MTRR: variants seen among roughly 807,000 people sequenced by gnomAD.
MTRR encodes the protein methionine synthase reductase.
In MTRR, 63 loss-of-function variants were observed where a neutral mutation model predicts 79.2. That is an observed-to-expected ratio of 0.80 (90% CI 0.65 to 0.98). The LOEUF is 0.98. Among genes scored for constraint, MTRR ranks in the 50% least tolerant of loss-of-function variants. The pLI is 0.00. For synonymous variants in MTRR, 355 were observed against 313.3 expected (o/e 1.13, Z -1.41); for missense variants, 895 against 839.6 (o/e 1.07, Z -0.82).
At chr5:7,893,376 G>A (rs760084632) in intron 11 of MTRR, 37 of 170,864 alleles carry the variant, frequency 2.2e-4, no homozygotes, top group Middle Eastern at 2.6e-3. Context: ...TAGGGTCCCC[G>A]CATCCCTGTT....
chr5:7,880,045 T>C (rs1735324596), intron 5 of MTRR, among the ~76,000 whole-genome samples: 2 of 152,266 alleles, frequency 1.3e-5, no homozygotes, highest in African/African-American at 4.8e-5. Flanking sequence ...GGTGCACTAG[T>C]GTGGCCTTCA....
intron 8 of MTRR, among the ~76,000 whole-genome samples, chr5:7,887,435 A>G (rs2126757513): frequency 6.6e-6 from 1 of 151,680 alleles, no homozygotes. Flanking sequence ...TTAGGCCGCC[A>G]TCTCCCCAGT....
intron 11 of MTRR, among the ~76,000 whole-genome samples, chr5:7,895,270 C>T (rs1738305672): frequency 6.6e-6 from 1 of 152,150 alleles, no homozygotes; most frequent in East Asian, 1.9e-4. Flanking sequence ...GCAAATACAG[C>T]ACCATTATCT....
chr5:7,876,987 C>A (rs569857349), intron 4 of MTRR, among the ~76,000 whole-genome samples: 7 of 152,282 alleles, frequency 4.6e-5, no homozygotes, highest in African/African-American at 1.4e-4. Context: ...CACAAAGGCT[C>A]CTCAGGGCAG....
Position 7,892,750 on chromosome 5 carries a change from A to T in MTRR, c.1394A>T (p.Lys465Met). The part of the protein sequence containing the change: ...CASSSLFHPG[K>M]LHFVFNIVEF... ...AGCTCAAGTTTATTTCACCCAGGAA[A>T]GCTCCATTTTGTCTTCAACATTGTG... is the stretch of plus-strand genomic sequence containing the variant. The change falls in exon 11 of 15, where the codon AAG becomes ATG. Residue 465 changes from lysine to methionine, a missense_variant. Coordinates refer to ENST00000440940, the MANE Select transcript of MTRR (RefSeq NM_002454.3). The T allele has an allele frequency of 6.2e-7, 1 of 1,614,226 alleles. No individual in the cohort carries two copies. Among genetic ancestry groups the T allele is most frequent in the Non-Finnish European group, 8.5e-7 (1 of 1,180,048 alleles).
intron 1 of MTRR, among the ~76,000 whole-genome samples, chr5:7,852,443 TTC>T (rs1366194764): frequency 1.3e-5 from 2 of 152,150 alleles, no homozygotes; most frequent in Non-Finnish European, 2.9e-5. Context: ...CCCATGTGCC[TTC>T]TTTGTCCCAC....
chr5:7,851,283 C>G, exon 1 of MTRR: 1 of 371,194 alleles, frequency 2.7e-6, no homozygotes, highest in East Asian at 3.9e-5. Context: ...GGGAGGAGCC[C>G]GACTGGGAGA....
intron 10 of MTRR, among the ~76,000 whole-genome samples, chr5:7,892,034 T>A (rs559463752): frequency 6.6e-6 from 1 of 152,128 alleles, no homozygotes; most frequent in East Asian, 1.9e-4. Flanking sequence ...AGTGATACCC[T>A]GTCTCAAAAA....
intron 6 of MTRR, among the ~76,000 whole-genome samples, chr5:7,884,619 A>G (rs1488616115): frequency 6.6e-6 from 1 of 152,138 alleles, no homozygotes; most frequent in Non-Finnish European, 1.5e-5. Context: ...ACATTTACGT[A>G]CAGTTTTAGT....
At chr5:7,894,807 C>T (rs148958275) in intron 11 of MTRR, among the ~76,000 whole-genome samples, 8 of 152,258 alleles carry the variant, frequency 5.3e-5, no homozygotes, top group East Asian at 1.9e-4. Context: ...ATGTAAGTTC[C>T]GTAAAGACAG....
At chr5:7,873,292 C>G (rs1748316160) in intron 2 of MTRR, 81 bp from the exon 3 acceptor site, 2 of 1,560,458 alleles carry the variant, frequency 1.3e-6, no homozygotes, top group Non-Finnish European at 1.8e-6. Flanking sequence ...AGACAGGAAA[C>G]TAAGCTGATT....
chr5:7,874,663 A>G (rs1748572327), intron 3 of MTRR, among the ~76,000 whole-genome samples: 2 of 148,334 alleles, frequency 1.3e-5, no homozygotes, highest in South Asian at 4.2e-4. Context: ...GAAACATACC[A>G]CATTGTTAAT....
At chr5:7,864,194 T>TA (rs1288556010), upstream of MTRR, among the ~76,000 whole-genome samples, 1 of 152,186 alleles carries the variant, frequency 6.6e-6, no homozygotes, top group Non-Finnish European at 1.5e-5. Context: ...AAATGATAGA[T>TA]ATGGAGGTAA....
At chr5:7,862,760 T>C (rs1746641210) in intron 2 of MTRR, 9 of 1,399,074 alleles carry the variant, frequency 6.4e-6, no homozygotes, top group Admixed American at 2.0e-5. Context: ...CTAAGTCCCA[T>C]ATATCTCCAA....
upstream of MTRR, chr5:7,869,088 G>T (rs991266777): frequency 3.1e-6 from 5 of 1,601,634 alleles, no homozygotes; most frequent in African/African-American, 2.7e-5. Flanking sequence ...CAATGTGATT[G>T]GCCCAGGTCC....
intron 1 of MTRR, among the ~76,000 whole-genome samples, chr5:7,856,123 G>A (rs1256241979): frequency 6.6e-6 from 1 of 152,170 alleles, no homozygotes; most frequent in African/African-American, 2.4e-5. Context: ...CCTGACCTAA[G>A]AAGCCGATTC....
At chr5:7,888,003 C>T (rs1005059529) in intron 8 of MTRR, among the ~76,000 whole-genome samples, 11 of 151,514 alleles carry the variant, frequency 7.3e-5, no homozygotes, top group Non-Finnish European at 1.5e-4. Flanking sequence ...GCCTTTTTAA[C>T]TTAAATCAAG....
chr5:7,896,761 T>A (rs1738587479), intron 12 of MTRR, 103 bp from the exon 13 acceptor site: 1 of 919,004 alleles, frequency 1.1e-6, no homozygotes, highest in Non-Finnish European at 1.8e-6. Flanking sequence ...AGAGATGGAT[T>A]TTACAAATCC....
chr5:7,855,124 A>G (rs1746202057), intron 1 of MTRR, among the ~76,000 whole-genome samples: 1 of 152,238 alleles, frequency 6.6e-6, no homozygotes, highest in Non-Finnish European at 1.5e-5. Context: ...GAGAAAGAGT[A>G]GCAGTTAGAG....
Sources: gnomAD v4.1 joint callset for allele counts (sites outside exome capture counted in the v4.1 genomes callset) on GRCh38, gnomAD v4.1.1 for gene constraint, MANE v1.5 for transcripts, NCBI Gene and HGNC (gene_info 2026-07-23, HGNC 2026-07-21) for gene names.